The following CDKN2B-AS1 variants were observed in gnomAD, a reference collection of about 807,000 sequenced individuals.
The protein encoded by CDKN2B-AS1 is CDKN2B antisense RNA 1 (non-protein coding).
At chr9:22,018,236 A>G (rs1323619838) in intron 1 of CDKN2B-AS1, among the ~76,000 whole-genome samples, 2 of 151,688 alleles carry the variant, frequency 1.3e-5, no homozygotes, top group Non-Finnish European at 2.9e-5. Flanking sequence ...AGGCAGGAGA[A>G]TTGCTTGAAC....
chr9:22,027,170 T>C (rs1041918035), intron 1 of CDKN2B-AS1, among the ~76,000 whole-genome samples: 2 of 122,342 alleles, frequency 1.6e-5, no homozygotes, highest in African/African-American at 6.7e-5. Flanking sequence ...GCCCTAAACC[T>C]TTCTAGCAAA....
At chr9:22,111,836 T>A (rs1050830417) in intron 4 of CDKN2B-AS1, among the ~76,000 whole-genome samples, 5 of 152,180 alleles carry the variant, frequency 3.3e-5, no homozygotes, top group Non-Finnish European at 5.9e-5. Flanking sequence ...GCATTAAAAA[T>A]TTTAAAGTGT....
chr9:22,038,438 C>A (rs990578877), intron 1 of CDKN2B-AS1, among the ~76,000 whole-genome samples: 11 of 151,922 alleles, frequency 7.2e-5, no homozygotes, highest in Non-Finnish European at 1.3e-4. Flanking sequence ...GATTTATGAG[C>A]TCAAAGAAAC....
At chr9:22,117,799 G>C (rs1277652556) in intron 4 of CDKN2B-AS1, 3 of 152,258 alleles carry the variant, frequency 2.0e-5, no homozygotes, top group African/African-American at 7.2e-5. Context: ...AGAGGTTCAA[G>C]GATCAAGGAC....
chr9:22,016,641 C>G (rs970253679), intron 1 of CDKN2B-AS1, among the ~76,000 whole-genome samples: 10 of 152,068 alleles, frequency 6.6e-5, no homozygotes, highest in Non-Finnish European at 1.0e-4. Context: ...AGAAATAACA[C>G]CGCATATCTA....
chr9:22,044,368 C>T (rs998448590), intron 1 of CDKN2B-AS1, among the ~76,000 whole-genome samples: 1 of 151,808 alleles, frequency 6.6e-6, no homozygotes, highest in Non-Finnish European at 1.5e-5. Flanking sequence ...CAAACAATTA[C>T]TCTGATTATT....
At chr9:22,079,345 G>A (rs891958343) in intron 4 of CDKN2B-AS1, among the ~76,000 whole-genome samples, 3 of 152,002 alleles carry the variant, frequency 2.0e-5, no homozygotes, top group African/African-American at 7.2e-5. Context: ...AAAATTAGTT[G>A]GGCGTGGTGG....
At chr9:22,076,209 T>C (rs1831734) in intron 4 of CDKN2B-AS1, among the ~76,000 whole-genome samples, 2 of 152,108 alleles carry the variant, frequency 1.3e-5, no homozygotes, top group Admixed American at 6.6e-5. Flanking sequence ...CCTGCCACCA[T>C]GCCTATCTTA....
rs188204646 is a variant in CDKN2B-AS1 at position 21,999,868 on chromosome 9, G to A, written n.29+4707G>A. Among the ~76,000 whole-genome samples the A allele has an allele frequency of 6.6e-6, 1 of 152,308 alleles. No homozygotes were observed. The highest frequency in any genetic ancestry group is 1.9e-4 in the East Asian group (1 of 5,186). On this transcript the variant is annotated intron_variant and non_coding_transcript_variant, in intron 1 of 4. Transcript: ENST00000650946. This position sits in a 1 kb window ranked among gnomAD's most constrained non-coding sequence, Gnocchi z 4.7. ...TGCTAATTAAAGAAAGCAAGTGACA[G>A]AATAGTATGATCCCATTCATGTTTT...
intron 4 of CDKN2B-AS1, among the ~76,000 whole-genome samples, chr9:22,073,576 T>C (rs1014335641): frequency 6.6e-6 from 1 of 152,170 alleles, no homozygotes; most frequent in Non-Finnish European, 1.5e-5. Flanking sequence ...TTCGTGGAAA[T>C]CTGCCCTCCA....
chr9:21,996,164 G>T lies in CDKN2B-AS1; in HGVS notation n.29+1003G>T, dbSNP rs958705565. Reference sequence around the variant, plus strand: ...CTTAAGGCGGTGCGGTAGCCTAGAGGAGCGGCAGACTTCTCTTTCCCCATC... The same window carrying T: ...CTTAAGGCGGTGCGGTAGCCTAGAGTAGCGGCAGACTTCTCTTTCCCCATC... On this transcript the variant is annotated intron_variant and non_coding_transcript_variant, in intron 1 of 4. Coordinates refer to ENST00000650946, the Ensembl canonical transcript of CDKN2B-AS1. The surrounding 1 kb of genome is among the most constrained non-coding windows in gnomAD (Gnocchi z 5.4). Among the ~76,000 whole-genome samples the T allele has an allele frequency of 6.6e-6, 1 of 152,176 alleles. No homozygotes were observed. Among genetic ancestry groups the T allele is most frequent in the Non-Finnish European group, 1.5e-5 (1 of 68,020 alleles).
chr9:22,063,692 T>G (rs1823915682), intron 4 of CDKN2B-AS1, among the ~76,000 whole-genome samples: 1 of 152,190 alleles, frequency 6.6e-6, no homozygotes, highest in African/African-American at 2.4e-5. Flanking sequence ...TGACAACTAC[T>G]GTTTCTTCAA....
chr9:22,016,409 G>C (rs540086572), intron 1 of CDKN2B-AS1, among the ~76,000 whole-genome samples: 210 of 152,246 alleles, frequency 1.4e-3, no homozygotes, highest in African/African-American at 5.0e-3. Flanking sequence ...TCCCCATCAA[G>C]CTGCCAATGA....
chr9:22,032,441 A>G (rs1822516073), intron 1 of CDKN2B-AS1, among the ~76,000 whole-genome samples: 1 of 152,102 alleles, frequency 6.6e-6, no homozygotes, highest in African/African-American at 2.4e-5. Context: ...ACAAAATGTC[A>G]TTATTTATAC....
chr9:22,020,047 C>A (rs149694583), intron 1 of CDKN2B-AS1, among the ~76,000 whole-genome samples: 24 of 152,204 alleles, frequency 1.6e-4, no homozygotes, highest in African/African-American at 5.8e-4. Flanking sequence ...TGATAGGCCC[C>A]GGTGTGTGTT....
At chr9:22,051,380 TAATA>T (rs1563947676) in intron 3 of CDKN2B-AS1, among the ~76,000 whole-genome samples, 2 of 152,214 alleles carry the variant, frequency 1.3e-5, no homozygotes, top group Non-Finnish European at 2.9e-5. Flanking sequence ...CTTGTTTTTG[TAATA>T]CCTTTATTCC....
At chr9:22,083,017 C>T (rs536227118) in intron 4 of CDKN2B-AS1, among the ~76,000 whole-genome samples, 1 of 152,120 alleles carries the variant, frequency 6.6e-6, no homozygotes, top group East Asian at 1.9e-4. Flanking sequence ...AGGAAGAGGA[C>T]ATGTAACATG....
intron 1 of CDKN2B-AS1, among the ~76,000 whole-genome samples, chr9:22,028,127 T>A (rs1822315237): frequency 6.6e-6 from 1 of 152,090 alleles, no homozygotes; most frequent in South Asian, 2.1e-4. Context: ...TTCACAGGAT[T>A]CCAAGAAATA....
intron 4 of CDKN2B-AS1, among the ~76,000 whole-genome samples, chr9:22,125,128 CT>C (rs1240067003): frequency 6.6e-6 from 1 of 152,202 alleles, no homozygotes; most frequent in African/African-American, 2.4e-5. Flanking sequence ...TTTTATCTTG[CT>C]TGATAACCAA....
Sources: gnomAD v4.1 joint callset for allele counts (sites outside exome capture counted in the v4.1 genomes callset) on GRCh38, gnomAD v4.1.1 for gene constraint, Gnocchi (gnomAD v3.1) non-coding constraint, MANE v1.5 for transcripts, NCBI Gene and HGNC (gene_info 2026-07-23, HGNC 2026-07-21) for gene names.